NLRP2: variants seen among roughly 807,000 people sequenced by gnomAD.
NLRP2 encodes NACHT, LRR and PYD domains-containing protein 2.
A neutral mutation model predicts 97.2 loss-of-function variants in NLRP2; 107 were observed. That is an observed-to-expected ratio of 1.10 (90% CI 0.94 to 1.29). The LOEUF (loss-of-function observed/expected upper bound fraction) is 1.29. NLRP2 is among the 50% of genes most tolerant of loss of function. The probability of loss-of-function intolerance (pLI) is 0.00; values close to 1 mark genes in which losing one functional copy is unlikely to be tolerated. For synonymous variants in NLRP2, 663 were observed against 551.5 expected, an observed-to-expected ratio of 1.20 and a Z score of -2.83; for missense variants, 1,495 against 1,330.3, an observed-to-expected ratio of 1.12 and a Z score of -1.93.
intron 2 of NLRP2, chr19:54,974,084 G>C (rs531822568): frequency 2.2e-6 from 2 of 906,230 alleles, no homozygotes; most frequent in African/African-American, 1.6e-5. Flanking sequence ...AGCCAAGCGC[G>C]GTGGCTCACG....
At chr19:54,990,259 T>TG in intron 9 of NLRP2, 67 bp downstream of exon 9, 2 of 1,526,264 alleles carry the variant, frequency 1.3e-6, no homozygotes, top group Non-Finnish European at 1.8e-6. Context: ...GCAATGGTCA[T>TG]GCCTGACTTG....
Position 54,966,801 on chromosome 19 carries a change from C to T in NLRP2, c.-18+334C>T, listed in dbSNP as rs191785754. On this transcript the variant is annotated intron_variant, in intron 1 of 12. Transcript: ENST00000448584. ...TCGGCCTCCCAAGGTGCCGGGATTACAGGCGTGAGCCACCGCGCCCAGCCT... is the reference window on the plus strand; with the variant it reads ...TCGGCCTCCCAAGGTGCCGGGATTATAGGCGTGAGCCACCGCGCCCAGCCT... 1.3e-3 allele frequency among the ~76,000 whole-genome samples: 186 copies of T among 143,854 alleles called. 2 individuals are homozygous for T. The highest frequency in any genetic ancestry group is 0.013 in the Admixed American group (180 of 13,952). 94.4% of individuals were successfully genotyped at this position (143,854 alleles called of 152,430 possible).
chr19:54,997,511 C>T (rs779366635), intron 12 of NLRP2, 24 bp downstream of exon 12: 1 of 1,613,492 alleles, frequency 6.2e-7, no homozygotes, highest in Admixed American at 1.7e-5. Context: ...ACTTCCCCAT[C>T]AGGCTTTCTC....
At chr19:54,986,479 T>G in intron 8 of NLRP2, 164 bp downstream of exon 8, 2 of 687,684 alleles carry the variant, frequency 2.9e-6, no homozygotes, top group Admixed American at 2.1e-5. Context: ...AGTTTCTACT[T>G]GCCTTGAACA....
rs756436723 is a variant in NLRP2 at position 54,982,667 on chromosome 19, C to T, written c.969C>T (p.Asn323=). ...CCGTCCTCCTGGGGAGTTTGCTGAA[C>T]AGGGTGATGTTACCCAAGGCCGCCC... The part of the protein sequence containing the change: ...PVPVLLGSLL[N]RVMLPKAALL... Residue 323 remains asparagine, a synonymous_variant, in exon 6 of 13, where the codon AAC becomes AAT. Coordinates refer to ENST00000448584, the MANE Select transcript of NLRP2 (RefSeq NM_017852.5). 1 of 1,614,158 alleles carries T rather than the reference C, an allele frequency of 6.2e-7. No individual in the cohort carries two copies. The highest frequency in any genetic ancestry group is 8.5e-7 in the Non-Finnish European group (1 of 1,180,034).
rs374613201 is a variant in NLRP2 at position 54,983,714 on chromosome 19, C to T, written c.2016C>T (p.Asp672=). The T allele has an allele frequency of 1.7e-5, 27 of 1,611,714 alleles. No homozygotes were observed. The highest frequency in any genetic ancestry group is 2.7e-5 in the African/African-American group (2 of 74,888). The change falls in exon 6 of 13, where the codon GAC becomes GAT. Residue 672 remains aspartate (D), a synonymous_variant. Coordinates refer to ENST00000448584, the MANE Select transcript of NLRP2 (RefSeq NM_017852.5). ...AGAATGTCACTGCGTCTGAATCAGA[C>T]GCCGAGGTTGAGAGGTGAGAACCGT... ...LPENVTASES[D]AEVERSQDDQ...
chr19:54,996,036 T>C (rs375330885), intron 11 of NLRP2, among the ~76,000 whole-genome samples: 2 of 63,716 alleles, frequency 3.1e-5, no homozygotes, highest in South Asian at 3.9e-4. Flanking sequence ...AGATCCTGTC[T>C]CAAAAAAAAA....
At chr19:54,985,337 TGA>T (rs983008013) in intron 7 of NLRP2, 120 bp downstream of exon 7, 27 of 926,432 alleles carry the variant, frequency 2.9e-5, no homozygotes, top group Admixed American at 3.7e-5. Context: ...CACAGGGAAT[TGA>T]GAGAGTCCTG....
chr19:54,983,245 C>T lies in NLRP2; in HGVS notation c.1547C>T (p.Thr516Ile), dbSNP rs146084801. 2.2e-5 allele frequency: 35 copies of T among 1,613,742 alleles called. 1 individual carries two copies. In the African/African-American group the frequency reaches 4.1e-4, roughly 19 times the overall value. The change falls in exon 6 of 13, where the codon ACC becomes ATC. Residue 516 changes from threonine (T) to isoleucine (I), a missense_variant. By Grantham distance (89) the Thr-to-Ile change is moderately conservative. Transcript: ENST00000448584. ...CAGTTTCTCACTGCCCTGTTCTACACCCTGGAGAAGGAGGAGGAAGAGGAT... is the reference window on the plus strand; with the variant it reads ...CAGTTTCTCACTGCCCTGTTCTACATCCTGGAGAAGGAGGAGGAAGAGGAT... The part of the protein sequence containing the change: ...FQQFLTALFY[T>I]LEKEEEEDRD...
intron 4 of NLRP2, among the ~76,000 whole-genome samples, chr19:54,978,321 G>A (rs542197083): frequency 3.3e-5 from 5 of 149,490 alleles, no homozygotes; most frequent in Admixed American, 6.8e-5. Context: ...TGCAACCTCC[G>A]CCTCCCAGAT....
In NLRP2 at chr19:54,982,742, G is replaced by A. The variant is rs1305579921; in HGVS notation, c.1044G>A (p.Ala348=). 15 of 1,614,088 alleles carry A rather than the reference G, an allele frequency of 9.3e-6. No homozygotes were observed. The highest frequency in any genetic ancestry group is 2.2e-5 in the East Asian group (1 of 44,876). The part of the protein sequence containing the change: ...PRALRDLRIL[A]EEPIYIRVEG... ...CCCTGAGGGACCTCCGGATCCTGGC[G>A]GAGGAGCCGATCTACATAAGGGTGG... Residue 348 remains alanine (A), a synonymous_variant, in exon 6 of 13, where the codon GCG becomes GCA. Transcript: ENST00000448584.
intron 4 of NLRP2, among the ~76,000 whole-genome samples, chr19:54,978,903 A>G (rs181883093): frequency 6.6e-6 from 1 of 151,950 alleles, no homozygotes; most frequent in Non-Finnish European, 1.5e-5. Flanking sequence ...TTGCTCAGAC[A>G]ACTTTAATAT....
chr19:54,984,213 C>T (rs2071866767), intron 6 of NLRP2, among the ~76,000 whole-genome samples: 1 of 151,784 alleles, frequency 6.6e-6, no homozygotes, highest in Non-Finnish European at 1.5e-5. Flanking sequence ...GTGGTGAAAT[C>T]AGCTCACTGC....
chr19:54,973,937 A>G, intron 2 of NLRP2: 1 of 816,578 alleles, frequency 1.2e-6, no homozygotes, highest in South Asian at 1.3e-5. Flanking sequence ...TTATGACAGG[A>G]AGCAGAGTGG....
chr19:54,966,028 TTAA>T (rs1347891132), upstream of NLRP2: 7 of 148,988 alleles, frequency 4.7e-5, no homozygotes, highest in African/African-American at 9.9e-5. Flanking sequence ...TGGATTTTTA[TTAA>T]TAATATACCT....
At chr19:54,986,582 G>T (rs542783413) in intron 8 of NLRP2, among the ~76,000 whole-genome samples, 3 of 144,098 alleles carry the variant, frequency 2.1e-5, no homozygotes, top group Non-Finnish European at 4.5e-5. Context: ...ATGAAGTCTT[G>T]CTCTGTTGCC....
intron 3 of NLRP2, among the ~76,000 whole-genome samples, chr19:54,975,233 G>A (rs2071144630): frequency 7.0e-6 from 1 of 143,390 alleles, no homozygotes; most frequent in African/African-American, 2.6e-5. Context: ...TGATCCTCCT[G>A]CCTCAGCCTC....
At chr19:54,978,051 G>A (rs911723682) in intron 4 of NLRP2, among the ~76,000 whole-genome samples, 8 of 152,004 alleles carry the variant, frequency 5.3e-5, no homozygotes, top group African/African-American at 1.4e-4. Context: ...GGAGCACAGC[G>A]CAGAGAGTTT....
chr19:54,991,924 A>AT (rs199627730), intron 10 of NLRP2, among the ~76,000 whole-genome samples: 16,220 of 127,222 alleles, frequency 0.13, 1,219 homozygotes, highest in Non-Finnish European at 0.17. Context: ...CATCTCTGGT[A>AT]TTTTTTTTTT....
Sources: allele counts gnomAD v4.1 joint callset (sites outside exome capture counted in the v4.1 genomes callset), GRCh38; gene constraint gnomAD v4.1.1; transcripts MANE v1.5; gene names NCBI Gene and HGNC (gene_info 2026-07-23, HGNC 2026-07-21).